KCTD1: variants seen among roughly 807,000 people sequenced by gnomAD.
KCTD1 encodes BTB/POZ domain-containing protein KCTD1.
Under a neutral mutation model 66.0 loss-of-function variants are expected in KCTD1, and 24 were observed. The observed-to-expected ratio is 0.36, with a 90% CI of 0.26 to 0.51. The LOEUF is 0.51. Among genes scored for constraint, KCTD1 ranks in the 20% least tolerant of loss-of-function variants. The probability of loss-of-function intolerance (pLI) is 0.95; values close to 1 mark genes in which losing one functional copy is unlikely to be tolerated. For missense variants in KCTD1, 943 were observed against 1,205.2 expected (o/e 0.78, Z 3.22); for synonymous variants, 511 against 517.2 (o/e 0.99, Z 0.16).
chr18:26,486,964 A>G (rs1372575590), intron 2 of KCTD1, among the ~76,000 whole-genome samples: 1 of 152,246 alleles, frequency 6.6e-6, no homozygotes, highest in African/African-American at 2.4e-5. Flanking sequence ...AGAAAGAACT[A>G]GAAAATAGAC....
chr18:26,620,171 C>G, intron 1 of KCTD1, among the ~76,000 whole-genome samples: 1 of 151,882 alleles, frequency 6.6e-6, no homozygotes, highest in African/African-American at 2.4e-5. Flanking sequence ...AATGTAGACA[C>G]TAAGATTCTG....
intron 1 of KCTD1, among the ~76,000 whole-genome samples, chr18:26,533,120 T>C (rs1282922063): frequency 6.6e-6 from 1 of 152,218 alleles, no homozygotes; most frequent in Non-Finnish European, 1.5e-5. Flanking sequence ...TTACATAACA[T>C]GTGATACACA....
intron 2 of KCTD1, among the ~76,000 whole-genome samples, chr18:26,490,013 G>C (rs1982111868): frequency 6.6e-6 from 1 of 152,160 alleles, no homozygotes; most frequent in Non-Finnish European, 1.5e-5. Flanking sequence ...AAAATGCCTG[G>C]GGTGTTGCTC....
At chr18:26,649,426 G>T (rs754327452) in intron 1 of KCTD1, among the ~76,000 whole-genome samples, 2 of 152,174 alleles carry the variant, frequency 1.3e-5, no homozygotes, top group African/African-American at 4.8e-5. Context: ...GGAAGAAACA[G>T]ACGGCTCGGA....
intron 1 of KCTD1, among the ~76,000 whole-genome samples, chr18:26,601,531 T>G (rs1047628504): frequency 2.6e-5 from 4 of 152,138 alleles, no homozygotes; most frequent in Admixed American, 1.3e-4. Context: ...TTGTTCTTCC[T>G]TTTCAAGATG....
Position 26,547,464 on chromosome 18 carries a change from C to T in KCTD1, c.1073G>A (p.Arg358His). 6.4e-7 allele frequency: 1 copy of T among 1,551,478 alleles called. No homozygotes were observed. Among genetic ancestry groups the T allele is most frequent in the Non-Finnish European group, 8.7e-7 (1 of 1,146,946 alleles). ...FKSLGPYHKS[R>H]SSSWSKKRAE... Reference sequence around the variant, plus strand: ...GCGCTTCTTGCTCCACGACGACGAGCGCGACTTGTGGTAGGGCCCGAGGGA... The same window carrying T: ...GCGCTTCTTGCTCCACGACGACGAGTGCGACTTGTGGTAGGGCCCGAGGGA... The change falls in exon 1 of 5, where the codon CGC becomes CAC. Residue 358 changes from arginine to histidine, a missense_variant. This residue lies in a region of KCTD1 where 66 missense variants were observed against 61.6 expected (regional missense o/e 1.07). Coordinates refer to ENST00000580059, the MANE Select transcript of KCTD1 (RefSeq NM_001142730.3).
chr18:26,607,603 C>G (rs1156847115), intron 1 of KCTD1, among the ~76,000 whole-genome samples: 3 of 152,150 alleles, frequency 2.0e-5, no homozygotes, highest in Non-Finnish European at 4.4e-5. Context: ...TCACCACTCA[C>G]CCAAATTTCA....
Position 26,542,174 on chromosome 18 carries a change from C to T in KCTD1, c.1809+4554G>A, listed in dbSNP as rs555648920. Among the ~76,000 whole-genome samples, 9 of 152,286 alleles carry T rather than the reference C, an allele frequency of 5.9e-5. No homozygotes were observed. In the East Asian group the frequency reaches 1.7e-3, roughly 29 times the overall value. ...ATTCAGCATCTTAGAGCACTAAAAACGTTAATTAAAGAAGTGTGCCTGTGC... is the reference window on the plus strand; with the variant it reads ...ATTCAGCATCTTAGAGCACTAAAAATGTTAATTAAAGAAGTGTGCCTGTGC... On this transcript the variant is annotated intron_variant, in intron 1 of 4. Transcript: ENST00000580059.
chr18:26,558,941 A>G (rs1985776974), intron 1 of KCTD1, among the ~76,000 whole-genome samples: 1 of 149,312 alleles, frequency 6.7e-6, no homozygotes, highest in Non-Finnish European at 1.5e-5. Flanking sequence ...GCAAAAAAAG[A>G]AAAAAAAAAG....
At chr18:26,495,973 G>A (rs919190487) in intron 2 of KCTD1, among the ~76,000 whole-genome samples, 18 of 152,160 alleles carry the variant, frequency 1.2e-4, no homozygotes, top group African/African-American at 3.9e-4. Flanking sequence ...GAAATCAGAC[G>A]TGTTTTCTTT....
At chr18:26,644,417 G>A (rs2145067862), upstream of KCTD1, among the ~76,000 whole-genome samples, 1 of 152,206 alleles carries the variant, frequency 6.6e-6, no homozygotes, top group East Asian at 1.9e-4. Flanking sequence ...AACCCAGGCT[G>A]ACTAAGGAGG....
At chr18:26,490,754 G>A (rs1301147169) in intron 2 of KCTD1, among the ~76,000 whole-genome samples, 1 of 151,602 alleles carries the variant, frequency 6.6e-6, no homozygotes, top group African/African-American at 2.4e-5. Context: ...CATAGGTTTA[G>A]AGGGCTTTTT....
intron 1 of KCTD1, among the ~76,000 whole-genome samples, chr18:26,570,275 G>A (rs72887347): frequency 0.25 from 37,018 of 150,118 alleles, 5,390 homozygotes; most frequent in East Asian, 0.49. Flanking sequence ...ACAGAAACAA[G>A]GAAATTTGGA....
At chr18:26,611,224 AATC>A (rs1252001045) in intron 1 of KCTD1, among the ~76,000 whole-genome samples, 1 of 152,068 alleles carries the variant, frequency 6.6e-6, no homozygotes, top group African/African-American at 2.4e-5. Flanking sequence ...TGCAATGTCT[AATC>A]TTCATCTATT....
chr18:26,463,810 T>C (rs1359354928), intron 3 of KCTD1, among the ~76,000 whole-genome samples: 2 of 152,256 alleles, frequency 1.3e-5, no homozygotes, highest in African/African-American at 4.8e-5. Flanking sequence ...ATGCCGGGAT[T>C]ACAGGCGTGA....
intron 1 of KCTD1, among the ~76,000 whole-genome samples, chr18:26,648,555 G>A (rs756683255): frequency 2.0e-5 from 3 of 152,132 alleles, no homozygotes; most frequent in Admixed American, 6.5e-5. Context: ...CCTACTGAGT[G>A]GGCACAGAGT....
upstream of KCTD1, chr18:26,549,604 G>T: frequency 1.3e-6 from 1 of 789,714 alleles, no homozygotes; most frequent in Non-Finnish European, 1.5e-6. Flanking sequence ...CGGGCGAGGC[G>T]CTCCACCAAG....
intron 1 of KCTD1, 35 bp from the exon 2 acceptor site, chr18:26,501,285 TC>T (rs780882090): frequency 1.3e-6 from 2 of 1,570,756 alleles, no homozygotes; most frequent in South Asian, 2.3e-5. Context: ...ATACTTTTTC[TC>T]TTTACAGTAG....
intron 1 of KCTD1, among the ~76,000 whole-genome samples, chr18:26,646,134 T>A (rs1987922637): frequency 6.6e-6 from 1 of 152,218 alleles, no homozygotes. Context: ...AACACTAGCC[T>A]AATTAATACA....
Sources: gnomAD v4.1 joint callset for allele counts (sites outside exome capture counted in the v4.1 genomes callset) on GRCh38, gnomAD v4.1.1 for gene constraint, gnomAD v4.1.1 regional missense constraint, MANE v1.5 for transcripts, NCBI Gene and HGNC (gene_info 2026-07-23, HGNC 2026-07-21) for gene names.